PDE10A: variants seen among roughly 807,000 people sequenced by gnomAD.
PDE10A encodes the protein phosphodiesterase 10A.
Under a neutral mutation model 97.7 loss-of-function variants are expected in PDE10A, and 39 were observed. The ratio of observed to expected loss-of-function variants is 0.40; its 90% confidence interval spans 0.31 to 0.52. The LOEUF (loss-of-function observed/expected upper bound fraction) is 0.52. Ranked by LOEUF, PDE10A falls within the 20% of genes least tolerant of loss-of-function variation. PDE10A has a pLI of 0.56. For missense variants in PDE10A, 731 were observed against 1,047.8 expected, an observed-to-expected ratio of 0.70 and a Z score of 4.17; for synonymous variants, 371 against 376.8, an observed-to-expected ratio of 0.98 and a Z score of 0.18.
At chr6:165,899,095 C>T (rs1296961266) in intron 1 of PDE10A, among the ~76,000 whole-genome samples, 1 of 152,196 alleles carries the variant, frequency 6.6e-6, no homozygotes, top group Non-Finnish European at 1.5e-5. Flanking sequence ...GCATCTTTCC[C>T]TGGCATCCAG....
chr6:165,640,962 G>A lies in PDE10A; in HGVS notation c.865+20985C>T, dbSNP rs73786699. ...CACTTGTCTGATGTCACTATATAGT[G>A]TCCATGCAGTCAGAAGAGGTGTCTT... On this transcript the variant is annotated intron_variant, in intron 1 of 21. Transcript: ENST00000539869. Among the ~76,000 whole-genome samples, 615 of 152,334 alleles carry A rather than the reference G, an allele frequency of 4.0e-3. 10 individuals are homozygous for A. Among genetic ancestry groups the A allele is most frequent in the African/African-American group, 0.014 (579 of 41,562 alleles).
At chr6:165,352,393 A>C (rs13193763) in intron 18 of PDE10A, among the ~76,000 whole-genome samples, 1 of 152,194 alleles carries the variant, frequency 6.6e-6, no homozygotes, top group African/African-American at 2.4e-5. Flanking sequence ...TTTTGGATAG[A>C]GAGAGGCCAC....
intron 1 of PDE10A, among the ~76,000 whole-genome samples, chr6:165,981,252 T>C (rs1348976391): frequency 6.6e-6 from 1 of 152,212 alleles, no homozygotes; most frequent in Non-Finnish European, 1.5e-5. Context: ...ATCCTCCCAG[T>C]TAGTGGCTTC....
chr6:165,543,314 C>T, intron 2 of PDE10A, 126 bp downstream of exon 2: 1 of 610,366 alleles, frequency 1.6e-6, no homozygotes, highest in Non-Finnish European at 2.6e-6. Flanking sequence ...TGGAATAACT[C>T]TGATAGAATT....
At chr6:165,859,820 A>T (rs1245758675) in intron 1 of PDE10A, among the ~76,000 whole-genome samples, 1 of 152,148 alleles carries the variant, frequency 6.6e-6, no homozygotes, top group Admixed American at 6.5e-5. Flanking sequence ...TTGATGGTAA[A>T]GAATATATCA....
At chr6:165,407,575 T>C (rs1337638729) in intron 13 of PDE10A, among the ~76,000 whole-genome samples, 1 of 152,240 alleles carries the variant, frequency 6.6e-6, no homozygotes, top group African/African-American at 2.4e-5. Flanking sequence ...AGATAGGCAA[T>C]ACTTGGTGGT....
intron 1 of PDE10A, among the ~76,000 whole-genome samples, chr6:165,582,006 C>T (rs1233911220): frequency 1.3e-5 from 2 of 152,180 alleles, no homozygotes; most frequent in Admixed American, 1.3e-4. Flanking sequence ...TATTTTTGAA[C>T]ACTAACAACA....
chr6:165,883,104 C>T (rs958254516), intron 1 of PDE10A, among the ~76,000 whole-genome samples: 1 of 151,998 alleles, frequency 6.6e-6, no homozygotes, highest in Admixed American at 6.5e-5. Flanking sequence ...GGTGCAGTGG[C>T]GCACGCCTGC....
intron 1 of PDE10A, among the ~76,000 whole-genome samples, chr6:165,814,843 C>T (rs139168546): frequency 2.6e-5 from 4 of 152,096 alleles, no homozygotes; most frequent in Middle Eastern, 3.4e-3. Flanking sequence ...TATGTCCAGG[C>T]GAGCTGTGCG....
At chr6:165,554,047 G>T (rs1784136469) in intron 1 of PDE10A, among the ~76,000 whole-genome samples, 1 of 152,040 alleles carries the variant, frequency 6.6e-6, no homozygotes, top group Non-Finnish European at 1.5e-5. Flanking sequence ...GTGGGGGACT[G>T]GGGGTTCTGA....
intron 1 of PDE10A, among the ~76,000 whole-genome samples, chr6:165,964,437 C>A (rs1038427393): frequency 6.6e-6 from 1 of 152,190 alleles, no homozygotes; most frequent in African/African-American, 2.4e-5. Context: ...TCATTGCCAG[C>A]TTTACTACAC....
chr6:165,683,420 GCACA>G (rs150160507), intron 1 of PDE10A, among the ~76,000 whole-genome samples: 2 of 151,700 alleles, frequency 1.3e-5, no homozygotes, highest in South Asian at 2.1e-4. Flanking sequence ...AGATGCTCAA[GCACA>G]CACACACACG....
intron 1 of PDE10A, among the ~76,000 whole-genome samples, chr6:165,733,671 G>C (rs1308382342): frequency 6.6e-6 from 1 of 152,166 alleles, no homozygotes; most frequent in Non-Finnish European, 1.5e-5. Context: ...ACTTTAAAAG[G>C]CTGGGATTAT....
chr6:165,687,078 T>C (rs1314991486), intron 1 of PDE10A, among the ~76,000 whole-genome samples: 3 of 152,218 alleles, frequency 2.0e-5, no homozygotes, highest in Non-Finnish European at 4.4e-5. Context: ...TTTCAGCACA[T>C]GGAAAACAAC....
intron 1 of PDE10A, among the ~76,000 whole-genome samples, chr6:165,854,342 C>G (rs775416134): frequency 2.6e-5 from 4 of 152,218 alleles, no homozygotes; most frequent in South Asian, 2.1e-4. Flanking sequence ...CCCAGGGACT[C>G]GAGCAGGTGG....
chr6:165,534,371 T>TA (rs2128316858), intron 2 of PDE10A, among the ~76,000 whole-genome samples: 1 of 150,108 alleles, frequency 6.7e-6, no homozygotes, highest in Admixed American at 6.6e-5. Context: ...CCAAAATACT[T>TA]AAAGAAGAAC....
At chr6:165,935,283 A>G (rs923374198) in intron 1 of PDE10A, among the ~76,000 whole-genome samples, 42 of 152,334 alleles carry the variant, frequency 2.8e-4, no homozygotes, top group African/African-American at 1.0e-3. Flanking sequence ...GAAGTAGGAC[A>G]AAGTGATTCC....
At chr6:165,909,058 T>A (rs944218330) in intron 1 of PDE10A, 3 of 152,116 alleles carry the variant, frequency 2.0e-5, no homozygotes, top group African/African-American at 7.2e-5. Flanking sequence ...TGGAGAAAGG[T>A]GCTTCTCTGT....
intron 1 of PDE10A, among the ~76,000 whole-genome samples, chr6:165,863,110 A>C (rs1041193631): frequency 2.6e-5 from 4 of 152,254 alleles, no homozygotes; most frequent in Non-Finnish European, 1.5e-5. Context: ...ATAACAGGAA[A>C]TTAAAACTGA....
Sources: gnomAD v4.1 joint callset for allele counts (sites outside exome capture counted in the v4.1 genomes callset) on GRCh38, gnomAD v4.1.1 for gene constraint, MANE v1.5 for transcripts, NCBI Gene and HGNC (gene_info 2026-07-23, HGNC 2026-07-21) for gene names.